The following CDH9 variants were observed in gnomAD, a reference collection of about 807,000 sequenced individuals.
CDH9 encodes the protein cadherin-9.
A neutral mutation model predicts 70.9 loss-of-function variants in CDH9; 28 were observed. The observed-to-expected ratio is 0.40, with a 90% CI of 0.29 to 0.54. The LOEUF (loss-of-function observed/expected upper bound fraction) is 0.54, where lower values mean the gene tolerates loss of function less well. Ranked by LOEUF, CDH9 falls within the 20% of genes least tolerant of loss-of-function variation. The pLI is 0.59. For synonymous variants in CDH9, 409 were observed against 343.1 expected (o/e 1.19, Z -2.12); for missense variants, 874 against 984.4 (o/e 0.89, Z 1.50).
At chr5:26,970,319 A>G (rs1742196842) in intron 2 of CDH9, among the ~76,000 whole-genome samples, 1 of 151,948 alleles carries the variant, frequency 6.6e-6, no homozygotes, top group Non-Finnish European at 1.5e-5. Context: ...TTTCTGATCA[A>G]TTCTTTTTTC....
At chr5:26,919,164 T>C (rs1741199450) in intron 2 of CDH9, among the ~76,000 whole-genome samples, 1 of 152,060 alleles carries the variant, frequency 6.6e-6, no homozygotes, top group African/African-American at 2.4e-5. Flanking sequence ...AAAGAGGCAC[T>C]GAAAAAGGTA....
intron 2 of CDH9, among the ~76,000 whole-genome samples, chr5:26,938,078 G>A (rs996885337): frequency 6.6e-6 from 1 of 151,792 alleles, no homozygotes; most frequent in African/African-American, 2.4e-5. Context: ...CTGGGGGCAA[G>A]GTGTAGAGGG....
At chr5:27,029,814 G>C (rs1743280028) in intron 1 of CDH9, among the ~76,000 whole-genome samples, 1 of 152,010 alleles carries the variant, frequency 6.6e-6, no homozygotes, top group African/African-American at 2.4e-5. Flanking sequence ...TCACACTACA[G>C]TGGTGGTGTT....
intron 2 of CDH9, among the ~76,000 whole-genome samples, chr5:26,938,056 T>C (rs925104487): frequency 3.3e-5 from 5 of 152,040 alleles, no homozygotes; most frequent in Non-Finnish European, 5.9e-5. Context: ...ATTTATAATA[T>C]GAAAAATTCT....
intron 7 of CDH9, among the ~76,000 whole-genome samples, chr5:26,896,794 C>A (rs898784705): frequency 2.6e-5 from 4 of 151,660 alleles, no homozygotes; most frequent in African/African-American, 9.7e-5. Context: ...CAAAAGCTAG[C>A]AGAAGACAAG....
chr5:26,883,073 A>G (rs1740497181), intron 11 of CDH9, among the ~76,000 whole-genome samples: 2 of 130,140 alleles, frequency 1.5e-5, no homozygotes, highest in Admixed American at 7.6e-5. Context: ...ATATATATAT[A>G]TATATATATA....
chr5:26,938,507 G>T (rs940878823), intron 2 of CDH9, among the ~76,000 whole-genome samples: 5 of 151,672 alleles, frequency 3.3e-5, no homozygotes, highest in African/African-American at 1.2e-4. Context: ...TTAAAAATCG[G>T]GTGTGCAAAA....
intron 2 of CDH9, among the ~76,000 whole-genome samples, chr5:26,926,919 C>CT (rs1561197676): frequency 7.1e-6 from 1 of 140,786 alleles, no homozygotes; most frequent in Non-Finnish European, 1.5e-5. Flanking sequence ...AAAATACAGC[C>CT]CCCCCCCGCA....
chr5:26,925,279 T>C (rs530014243), intron 2 of CDH9, among the ~76,000 whole-genome samples: 20 of 152,310 alleles, frequency 1.3e-4, no homozygotes, highest in African/African-American at 4.8e-4. Context: ...TGGTTTTGAT[T>C]TGCATTTCTC....
At chr5:27,018,140 T>A (rs960714574) in intron 1 of CDH9, among the ~76,000 whole-genome samples, 1 of 151,884 alleles carries the variant, frequency 6.6e-6, no homozygotes, top group Non-Finnish European at 1.5e-5. Flanking sequence ...ATTATTTGGA[T>A]TGACTTCTAT....
At chr5:26,923,069 T>TAAAAAAAAAAAAAAAAAAA (rs56883597) in intron 2 of CDH9, among the ~76,000 whole-genome samples, 17 of 95,004 alleles carry the variant, frequency 1.8e-4, no homozygotes, top group Non-Finnish European at 3.3e-4. Context: ...TTACATGAAT[T>TAAAAAAAAAAAAAAAAAAA]AAAAAAAAAA....
At chr5:27,030,783 G>A (rs891500701) in intron 1 of CDH9, among the ~76,000 whole-genome samples, 1 of 140,316 alleles carries the variant, frequency 7.1e-6, no homozygotes, top group East Asian at 2.0e-4. Context: ...TTTCCTCAAA[G>A]ATTATATTTA....
At chr5:26,911,656 A>G (rs1741055626) in intron 3 of CDH9, among the ~76,000 whole-genome samples, 1 of 129,554 alleles carries the variant, frequency 7.7e-6, no homozygotes, top group Admixed American at 9.0e-5. Flanking sequence ...TATTTTATCA[A>G]TAGTGTAATG....
chr5:26,988,440 C>A (rs538253512), intron 1 of CDH9, 58 bp from the exon 2 acceptor site: 3 of 1,395,248 alleles, frequency 2.2e-6, no homozygotes, highest in East Asian at 2.4e-5. Flanking sequence ...TTTCCCACAA[C>A]GTGTAAACTG....
intron 1 of CDH9, among the ~76,000 whole-genome samples, chr5:26,992,483 A>C (rs958126341): frequency 2.0e-5 from 3 of 152,166 alleles, no homozygotes; most frequent in Non-Finnish European, 4.4e-5. Flanking sequence ...CAAATCTGCC[A>C]TGCCTTGCTT....
intron 3 of CDH9, among the ~76,000 whole-genome samples, chr5:26,915,006 T>C (rs942569572): frequency 6.6e-5 from 10 of 151,960 alleles, no homozygotes; most frequent in African/African-American, 2.4e-4. Context: ...CCTTAAGAAG[T>C]GAAACAATTA....
chr5:26,887,132 T>A (rs891093461), intron 9 of CDH9, among the ~76,000 whole-genome samples: 3 of 152,148 alleles, frequency 2.0e-5, no homozygotes, highest in African/African-American at 7.2e-5. Context: ...GACAGCATGA[T>A]ATGTAACTGT....
intron 2 of CDH9, among the ~76,000 whole-genome samples, chr5:26,951,841 TCA>T (rs1273533578): frequency 6.6e-6 from 1 of 152,152 alleles, no homozygotes; most frequent in Non-Finnish European, 1.5e-5. Context: ...CAGGTTGTTT[TCA>T]CAGATTTCTC....
chr5:26,911,663 A>G (rs1286397321), intron 3 of CDH9, among the ~76,000 whole-genome samples: 1 of 59,314 alleles, frequency 1.7e-5, no homozygotes, highest in Non-Finnish European at 3.9e-5. Flanking sequence ...TCAATAGTGT[A>G]ATGATCACAA....
Sources: gnomAD v4.1 joint callset for allele counts (sites outside exome capture counted in the v4.1 genomes callset) on GRCh38, gnomAD v4.1.1 for gene constraint, MANE v1.5 for transcripts, NCBI Gene and HGNC (gene_info 2026-07-23, HGNC 2026-07-21) for gene names.